PDPK1: variants seen among roughly 807,000 people sequenced by gnomAD.
PDPK1 encodes 3-phosphoinositide-dependent protein kinase 1.
A neutral mutation model predicts 39.8 loss-of-function variants in PDPK1; 7 were observed. That is an observed-to-expected ratio of 0.18 (90% CI 0.10 to 0.33). PDPK1 has a LOEUF of 0.33. PDPK1 is among the 10% of genes least tolerant of loss of function. PDPK1 has a pLI of 1.00. For synonymous variants in PDPK1, 118 were observed against 159.1 expected, an observed-to-expected ratio of 0.74 and a Z score of 1.95; for missense variants, 182 against 384.7, an observed-to-expected ratio of 0.47 and a Z score of 4.41.
At chr16:2,595,912 A>G in intron 12 of PDPK1, 62 bp downstream of exon 12, 1 of 1,217,618 alleles carries the variant, frequency 8.2e-7, no homozygotes, top group African/African-American at 1.5e-5. Context: ...ACTCCAGCTT[A>G]GGGGAGGGCA....
chr16:2,545,674 C>T (rs1228155343), intron 1 of PDPK1, among the ~76,000 whole-genome samples: 1 of 152,078 alleles, frequency 6.6e-6, no homozygotes, highest in African/African-American at 2.4e-5. Flanking sequence ...TTTATATTTT[C>T]AGTAGAGACG....
At chr16:2,539,326 C>G (rs1051540621) in intron 1 of PDPK1, 4 of 152,768 alleles carry the variant, frequency 2.6e-5, no homozygotes, top group African/African-American at 9.7e-5. Context: ...GTGATCTGCC[C>G]GCCTCGTCCT....
At chr16:2,594,403 G>C (rs2067057058) in intron 11 of PDPK1, 1 of 152,058 alleles carries the variant, frequency 6.6e-6, no homozygotes. Context: ...AATTAGCTGG[G>C]CGTGGTGGTG....
chr16:2,586,814 A>C lies in PDPK1; in HGVS notation c.1264A>C (p.Asn422His). The change falls in exon 11 of 14, where the codon AAC becomes CAC. Residue 422 changes from asparagine to histidine, a missense_variant. By Grantham distance (68) the Asn-to-His change is moderately conservative. This residue lies in a region of PDPK1 where 90 missense variants were observed against 111.9 expected (regional missense o/e 0.80). Coordinates refer to ENST00000342085, the MANE Select transcript of PDPK1 (RefSeq NM_002613.5). ...IEQYIHDLDS[N>H]SFELDLQFSE... ...GCAGTACATTCACGATCTGGACTCG[A>C]ACTCCTTTGAACTGGACTTACAGTT... The C allele has an allele frequency of 6.2e-7, 1 of 1,614,260 alleles. No homozygotes were observed. The highest frequency in any genetic ancestry group is 8.5e-7 in the Non-Finnish European group (1 of 1,180,040).
chr16:2,576,968 C>T lies in PDPK1; in HGVS notation c.710-457C>T, dbSNP rs2141980161. 8.9e-6 allele frequency: 2 copies of T among 224,644 alleles called. 1 individual carries two copies. Among genetic ancestry groups the T allele is most frequent in the East Asian group, 3.0e-4 (2 of 6,708 alleles). The allele number at this position is 224,644 out of a possible 1,614,324, so 13.9% of individuals were successfully genotyped here. A position where few individuals can be genotyped will look rare whatever the true frequency, so the allele number is the denominator to read the frequency against. On this transcript the variant is annotated intron_variant, in intron 6 of 13. Coordinates refer to ENST00000342085, the MANE Select transcript of PDPK1 (RefSeq NM_002613.5). ...GCTGTGGCTCTGCTCCGTCACAGCTCCTCTGTGGAGGAAGGCCCTTGGGCT... is the reference window on the plus strand; with the variant it reads ...GCTGTGGCTCTGCTCCGTCACAGCTTCTCTGTGGAGGAAGGCCCTTGGGCT...
chr16:2,575,820 A>G (rs2066696944), intron 6 of PDPK1: 1 of 141,430 alleles, frequency 7.1e-6, no homozygotes, highest in Admixed American at 6.8e-5. Context: ...GGCCTCACGG[A>G]CTTGCTCCGT....
At position 2,577,231 on chromosome 16, in the gene PDPK1, C is replaced by T. The variant is rs566034043; in HGVS notation, c.710-194C>T. 172 of 643,466 alleles carry T rather than the reference C, an allele frequency of 2.7e-4. 6 individuals are homozygous for T. In the South Asian group the frequency reaches 2.7e-3, roughly 10 times the overall value. 39.9% of individuals were successfully genotyped at this position (643,466 alleles called of 1,614,324 possible). On this transcript the variant is annotated intron_variant, in intron 6 of 13. Coordinates refer to ENST00000342085, the MANE Select transcript of PDPK1 (RefSeq NM_002613.5). The stretch of plus-strand genomic sequence containing the variant: ...TGTCCAGGCGCGTGTCGGGTGGGAG[C>T]GCCAGGGTGCAGGGCGCCGGTGTCC...
intron 1 of PDPK1, among the ~76,000 whole-genome samples, chr16:2,546,326 C>T (rs2066345698): frequency 6.7e-6 from 1 of 148,876 alleles, no homozygotes; most frequent in African/African-American, 2.5e-5. Context: ...TCGTGATCTA[C>T]CCACCTCAGC....
chr16:2,545,885 C>T (rs2141942681), intron 1 of PDPK1, among the ~76,000 whole-genome samples: 2 of 152,252 alleles, frequency 1.3e-5, no homozygotes, highest in East Asian at 1.9e-4. Flanking sequence ...GATCCTACCA[C>T]CTGCTCCTCC....
rs759476460 is a variant in PDPK1, at chr16:2,593,143, C to T, written c.1344-2650C>T. 5.5e-5 allele frequency: 25 copies of T among 454,292 alleles called. No homozygotes were observed. Among genetic ancestry groups the T allele is most frequent in the Non-Finnish European group, 7.9e-5 (18 of 226,718 alleles). 28.1% of individuals were successfully genotyped at this position (454,292 alleles called of 1,614,324 possible). ...GCCGAGCGGGAGCACCACTCCTGCACGCCCGTGCCTGTGGCATGCCCAGAT... is the reference window on the plus strand; with the variant it reads ...GCCGAGCGGGAGCACCACTCCTGCATGCCCGTGCCTGTGGCATGCCCAGAT... On this transcript the variant is annotated intron_variant, in intron 11 of 13. Transcript: ENST00000342085. The surrounding 1 kb of genome is among the most constrained non-coding windows in gnomAD (Gnocchi z 4.2).
chr16:2,559,149 AC>A (rs2066558848), intron 2 of PDPK1, among the ~76,000 whole-genome samples: 2 of 133,934 alleles, frequency 1.5e-5, no homozygotes, highest in South Asian at 4.6e-4. Context: ...TCTTTGGAAA[AC>A]CTTGGGCATT....
At chr16:2,541,366 T>C (rs983767417) in intron 1 of PDPK1, among the ~76,000 whole-genome samples, 5 of 152,184 alleles carry the variant, frequency 3.3e-5, no homozygotes, top group Admixed American at 3.3e-4. Context: ...AGACGGAGTC[T>C]GGCAAGCAGG....
At chr16:2,596,260 C>T (rs549386173) in intron 12 of PDPK1, among the ~76,000 whole-genome samples, 7 of 152,296 alleles carry the variant, frequency 4.6e-5, no homozygotes, top group East Asian at 1.9e-4. Context: ...GGCGCGATCT[C>T]GGCTCACTGC....
chr16:2,596,190 T>C (rs1009931085), intron 12 of PDPK1, among the ~76,000 whole-genome samples: 2 of 152,150 alleles, frequency 1.3e-5, no homozygotes, highest in African/African-American at 4.8e-5. Context: ...ATTTAAGGGT[T>C]GTTCTTTATT....
chr16:2,592,198 G>T (rs2067002739), intron 11 of PDPK1, among the ~76,000 whole-genome samples: 1 of 152,196 alleles, frequency 6.6e-6, no homozygotes, highest in Admixed American at 6.5e-5. Context: ...GAGGTGGCAA[G>T]AACCTGCGCT....
intron 1 of PDPK1, among the ~76,000 whole-genome samples, chr16:2,542,606 T>C (rs1232375418): frequency 2.5e-3 from 372 of 148,442 alleles, no homozygotes; most frequent in African/African-American, 9.1e-3. Flanking sequence ...TAAACAAGTG[T>C]GTGGTTTCCA....
Position 2,599,937 on chromosome 16 carries a change from C to T in PDPK1, c.*2170C>T, listed in dbSNP as rs2067183115. 1 of 233,220 alleles carries T rather than the reference C, an allele frequency of 4.3e-6. No individual in the cohort carries two copies. Among genetic ancestry groups the T allele is most frequent in the South Asian group, 1.8e-4 (1 of 5,538 alleles). 14.4% of individuals were successfully genotyped at this position (233,220 alleles called of 1,614,324 possible). Reference sequence around the variant, plus strand: ...TCACTGACAAGCTCCATCTTAACCTCCAAAGCCACAGAACTAGGGGCTCAG... The same window carrying T: ...TCACTGACAAGCTCCATCTTAACCTTCAAAGCCACAGAACTAGGGGCTCAG... On this transcript the variant is annotated 3_prime_UTR_variant, in exon 14 of 14. Transcript: ENST00000342085.
chr16:2,578,284 T>G (rs1482838510), intron 7 of PDPK1: 1 of 148,020 alleles, frequency 6.8e-6, no homozygotes, highest in Non-Finnish European at 1.4e-5. Context: ...CACAGCTGGG[T>G]CTTGGTGGCA....
chr16:2,598,968 G>C lies in PDPK1; in HGVS notation c.*1201G>C, dbSNP rs1427232445. 8.6e-6 allele frequency: 2 copies of C among 233,198 alleles called. No homozygotes were observed. The highest frequency in any genetic ancestry group is 4.4e-5 in the African/African-American group (2 of 45,340). The allele number at this position is 233,198 out of a possible 1,614,324, so 14.4% of individuals were successfully genotyped here. On this transcript the variant is annotated 3_prime_UTR_variant, in exon 14 of 14. Coordinates refer to ENST00000342085, the MANE Select transcript of PDPK1 (RefSeq NM_002613.5). ...GCCCATAGAGTGGGCTTTGCCAGTTGCTGTTGCACAGGAGGCGAGAACAGC... is the reference window on the plus strand; with the variant it reads ...GCCCATAGAGTGGGCTTTGCCAGTTCCTGTTGCACAGGAGGCGAGAACAGC...
Sources: gnomAD v4.1 joint callset for allele counts (sites outside exome capture counted in the v4.1 genomes callset) on GRCh38, gnomAD v4.1.1 for gene constraint, gnomAD v4.1.1 regional missense constraint, Gnocchi (gnomAD v3.1) non-coding constraint, MANE v1.5 for transcripts, NCBI Gene and HGNC (gene_info 2026-07-23, HGNC 2026-07-21) for gene names.